The following FLRT2 variants were observed in gnomAD, a reference collection of about 807,000 sequenced individuals.
The protein encoded by FLRT2 is leucine-rich repeat transmembrane protein FLRT2.
Under a neutral mutation model 40.0 loss-of-function variants are expected in FLRT2, and 15 were observed. The observed-to-expected ratio is 0.38, with a 90% CI of 0.25 to 0.58. The LOEUF is 0.58. Among genes scored for constraint, FLRT2 ranks in the 20% least tolerant of loss-of-function variants. The probability of loss-of-function intolerance (pLI) is 0.71; values close to 1 mark genes in which losing one functional copy is unlikely to be tolerated. For synonymous variants in FLRT2, 380 were observed against 336.8 expected (o/e 1.13, Z -1.41); for missense variants, 726 against 840.0 (o/e 0.86, Z 1.68).
At chr14:85,614,547 T>A (rs980100302) in intron 1 of FLRT2, among the ~76,000 whole-genome samples, 3 of 152,210 alleles carry the variant, frequency 2.0e-5, no homozygotes, top group Admixed American at 1.3e-4. Flanking sequence ...TTCAATTCCC[T>A]GAAAGCAATT....
At chr14:85,619,244 T>C (rs1266927007) in intron 1 of FLRT2, among the ~76,000 whole-genome samples, 2 of 152,010 alleles carry the variant, frequency 1.3e-5, no homozygotes, top group African/African-American at 4.8e-5. Context: ...CCACCGCACC[T>C]GGCTAATTTT....
At chr14:85,589,648 C>T (rs761829151) in intron 1 of FLRT2, among the ~76,000 whole-genome samples, 4 of 152,054 alleles carry the variant, frequency 2.6e-5, no homozygotes, top group African/African-American at 4.8e-5. Context: ...CTTTGGCTGC[C>T]TGTGCTTGTG....
intron 1 of FLRT2, among the ~76,000 whole-genome samples, chr14:85,610,905 A>AT (rs199624615): frequency 6.0e-5 from 9 of 151,222 alleles, no homozygotes; most frequent in African/African-American, 9.8e-5. Context: ...TAATTAATGA[A>AT]TTTTTTTTGA....
In FLRT2 at chr14:85,632,549, C is replaced by T. The variant is rs1275477073; in HGVS notation, c.*9052C>T. 3.3e-5 allele frequency: 5 copies of T among 149,524 alleles called. No homozygotes were observed. Among genetic ancestry groups the T allele is most frequent in the Non-Finnish European group, 5.9e-5 (4 of 67,610 alleles). 9.3% of individuals were successfully genotyped at this position (149,524 alleles called of 1,614,324 possible). ...AAGCACAAGTAGACACAAAGTTAAA[C>T]ATTTCGACAGTCGGCTAGTCAAAAT... is the stretch of plus-strand genomic sequence containing the variant. On this transcript the variant is annotated 3_prime_UTR_variant, in exon 2 of 2. Transcript: ENST00000330753.
chr14:85,577,189 T>C (rs1041642818), intron 1 of FLRT2, among the ~76,000 whole-genome samples: 1 of 152,208 alleles, frequency 6.6e-6, no homozygotes, highest in Non-Finnish European at 1.5e-5. Context: ...TAAAAGGCTT[T>C]TGAATCTTAT....
At chr14:85,588,531 T>G (rs981362762) in intron 1 of FLRT2, among the ~76,000 whole-genome samples, 2 of 152,060 alleles carry the variant, frequency 1.3e-5, no homozygotes, top group Admixed American at 6.6e-5. Context: ...ACATAAGATG[T>G]TTTGATACAG....
rs1894018739 is a variant in FLRT2 at position 85,636,921 on chromosome 14, T to C, written c.*13424T>C. ...TCTAGCCTGGGTGACAGAGCGATAC[T>C]TCGTCTCCAAAAAAAAAAAAAAAAA... On this transcript the variant is annotated 3_prime_UTR_variant, in exon 2 of 2. Coordinates refer to ENST00000330753, the MANE Select transcript of FLRT2 (RefSeq NM_013231.6). 1 of 113,906 alleles carries C rather than the reference T, an allele frequency of 8.8e-6. No individual in the cohort carries two copies. Among genetic ancestry groups the C allele is most frequent in the African/African-American group, 3.7e-5 (1 of 26,862 alleles). The allele number at this position is 113,906 out of a possible 1,614,324, so 7.1% of individuals were successfully genotyped here.
chr14:85,600,808 G>A (rs17713055), intron 1 of FLRT2, among the ~76,000 whole-genome samples: 2 of 152,030 alleles, frequency 1.3e-5, no homozygotes, highest in African/African-American at 4.8e-5. Context: ...AAGAGTTTTT[G>A]GAATAGTGAA....
chr14:85,611,905 CGT>C (rs1263507339), intron 1 of FLRT2, among the ~76,000 whole-genome samples: 3 of 143,380 alleles, frequency 2.1e-5, no homozygotes, highest in Non-Finnish European at 3.1e-5. Flanking sequence ...AGAGAGCGCG[CGT>C]GCGCGAAAGC....
At chr14:85,568,146 A>T (rs1381380764) in intron 1 of FLRT2, among the ~76,000 whole-genome samples, 1 of 151,474 alleles carries the variant, frequency 6.6e-6, no homozygotes, top group Non-Finnish European at 1.5e-5. Context: ...TTATAAGGGG[A>T]CAAATAAAGA....
At chr14:85,551,750 A>G (rs1889636021) in intron 1 of FLRT2, 1 of 152,174 alleles carries the variant, frequency 6.6e-6, no homozygotes, top group Admixed American at 6.5e-5. Context: ...TGCCAGTGAG[A>G]AAAGGTAGCC....
intron 1 of FLRT2, among the ~76,000 whole-genome samples, chr14:85,570,902 T>TTA (rs1890863149): frequency 6.6e-6 from 1 of 151,648 alleles, no homozygotes; most frequent in Non-Finnish European, 1.5e-5. Flanking sequence ...CCTTATTTTT[T>TTA]AAAAAAACAA....
At chr14:85,533,717 G>T (rs959420520) in intron 1 of FLRT2, among the ~76,000 whole-genome samples, 5 of 151,966 alleles carry the variant, frequency 3.3e-5, no homozygotes, top group African/African-American at 1.2e-4. Flanking sequence ...GGGGGAAGAC[G>T]ATGCCGCAGC....
At chr14:85,586,997 C>G (rs983722199) in intron 1 of FLRT2, among the ~76,000 whole-genome samples, 3 of 152,066 alleles carry the variant, frequency 2.0e-5, no homozygotes, top group African/African-American at 7.2e-5. Flanking sequence ...TCCTGCTTGG[C>G]CATAGGGAAA....
chr14:85,596,131 A>G (rs1027162024), intron 1 of FLRT2, among the ~76,000 whole-genome samples: 7 of 152,184 alleles, frequency 4.6e-5, no homozygotes, highest in Admixed American at 1.3e-4. Context: ...AAAACAAACA[A>G]TGACTCCCTG....
At chr14:85,606,560 C>G (rs1183526221) in intron 1 of FLRT2, among the ~76,000 whole-genome samples, 1 of 127,868 alleles carries the variant, frequency 7.8e-6, no homozygotes, top group Non-Finnish European at 1.6e-5. Context: ...GAGTGCTGCT[C>G]TGTTGCCAGA....
rs1893745225 is a variant in FLRT2 at position 85,627,616 on chromosome 14, A to G, written c.*4119A>G. The stretch of plus-strand genomic sequence containing the variant: ...CACACACACAAACAGGGGCATTTGT[A>G]AAGGTGTCCCTGGAATGTAAGATTT... On this transcript the variant is annotated 3_prime_UTR_variant, in exon 2 of 2. Transcript: ENST00000330753. 1 of 166,964 alleles carries G rather than the reference A, an allele frequency of 6.0e-6. No individual in the cohort carries two copies. Among genetic ancestry groups the G allele is most frequent in the South Asian group, 2.1e-4 (1 of 4,828 alleles). The allele number at this position is 166,964 out of a possible 1,614,324, so 10.3% of individuals were successfully genotyped here.
At position 85,568,002 on chromosome 14, in the gene FLRT2, G is replaced by GCCGTCCTCTCAGCAGGTGAGTTA. The variant is rs1404080095; in HGVS notation, c.-377+37470_-377+37492dup. ...ACTTCCCCTAGAAACAGCATGACTT[G>GCCGTCCTCTCAGCAGGTGAGTTA]CCGTCCTCTCAGCAGGTGAGTTACA... On this transcript the variant is annotated intron_variant, in intron 1 of 1. Coordinates refer to ENST00000330753, the MANE Select transcript of FLRT2 (RefSeq NM_013231.6). Among the ~76,000 whole-genome samples the GCCGTCCTCTCAGCAGGTGAGTTA allele has an allele frequency of 2.6e-5, 4 of 152,142 alleles. 1 individual carries two copies. The East Asian group carries it at 7.8e-4, about 30-fold the overall frequency.
At chr14:85,587,923 A>G (rs534481526) in intron 1 of FLRT2, among the ~76,000 whole-genome samples, 2 of 148,948 alleles carry the variant, frequency 1.3e-5, no homozygotes, top group Non-Finnish European at 3.0e-5. Context: ...CTTTTATTTC[A>G]GCTTCTTTTT....
Sources: gnomAD v4.1 joint callset for allele counts (sites outside exome capture counted in the v4.1 genomes callset) on GRCh38, gnomAD v4.1.1 for gene constraint, MANE v1.5 for transcripts, NCBI Gene and HGNC (gene_info 2026-07-23, HGNC 2026-07-21) for gene names.